Variants in RFX2 observed in about 807,000 individuals in gnomAD.
RFX2 encodes the protein DNA-binding protein RFX2.
Under a neutral mutation model 87.8 loss-of-function variants are expected in RFX2, and 20 were observed. The observed-to-expected ratio is 0.23, with a 90% CI of 0.16 to 0.33. RFX2 has a LOEUF of 0.33. Ranked by LOEUF, RFX2 falls within the 10% of genes least tolerant of loss-of-function variation. The probability of loss-of-function intolerance (pLI) is 1.00; values close to 1 mark genes in which losing one functional copy is unlikely to be tolerated. For synonymous variants in RFX2, 397 were observed against 431.3 expected (o/e 0.92, Z 0.98); for missense variants, 767 against 1,012.3 (o/e 0.76, Z 3.29).
At chr19:6,041,254 G>A (rs1232088008) in intron 4 of RFX2, among the ~76,000 whole-genome samples, 1 of 152,084 alleles carries the variant, frequency 6.6e-6, no homozygotes, top group Non-Finnish European at 1.5e-5. Context: ...ACAGTGGCTG[G>A]GGTTAGAATC....
intron 16 of RFX2, 62 bp downstream of exon 16, chr19:5,996,998 A>G: frequency 3.3e-6 from 5 of 1,538,392 alleles, no homozygotes; most frequent in Non-Finnish European, 4.4e-6. Flanking sequence ...TGCTCAGAGC[A>G]CACCGCCCTC....
At chr19:6,104,094 C>A (rs1011384177) in intron 1 of RFX2, among the ~76,000 whole-genome samples, 4 of 152,018 alleles carry the variant, frequency 2.6e-5, no homozygotes, top group Non-Finnish European at 5.9e-5. Context: ...GGTGGCACCA[C>A]AATTTAACTC....
At chr19:6,059,430 C>T (rs940534973) in intron 1 of RFX2, among the ~76,000 whole-genome samples, 3 of 152,194 alleles carry the variant, frequency 2.0e-5, no homozygotes, top group Non-Finnish European at 2.9e-5. Flanking sequence ...CACTTTCACC[C>T]AGCAAATACT....
At chr19:6,019,064 C>T (rs1404598023) in intron 6 of RFX2, among the ~76,000 whole-genome samples, 3 of 152,042 alleles carry the variant, frequency 2.0e-5, no homozygotes, top group Non-Finnish European at 4.4e-5. Context: ...CCCACCCCCC[C>T]GCCATGAGTG....
At chr19:5,996,433 C>T (rs1046820513) in intron 16 of RFX2, among the ~76,000 whole-genome samples, 2 of 152,222 alleles carry the variant, frequency 1.3e-5, no homozygotes, top group Non-Finnish European at 2.9e-5. Flanking sequence ...TGTCATGTTC[C>T]GTGACAGACG....
chr19:5,996,111 G>A (rs1378054139), intron 16 of RFX2, among the ~76,000 whole-genome samples: 1 of 152,240 alleles, frequency 6.6e-6, no homozygotes, highest in Non-Finnish European at 1.5e-5. Flanking sequence ...GACTCTTAGA[G>A]TGCTGTGGCT....
chr19:6,106,936 T>G (rs1051024377), intron 1 of RFX2, among the ~76,000 whole-genome samples: 5 of 151,308 alleles, frequency 3.3e-5, no homozygotes, highest in Non-Finnish European at 5.9e-5. Context: ...AAATATATAT[T>G]ATAAGATGTG....
In RFX2 at chr19:6,007,708, G is replaced by A. The variant is rs989691340; in HGVS notation, c.1229C>T (p.Pro410Leu). ...WNSKASSSDG[P>L]TSLPASDEDP... ...CAGTCACCTGGCAGGAAGAGAGGTG[G>A]GGCCGTCGCTGGAGGAGGCCTTAGA... is the stretch of plus-strand genomic sequence containing the variant. The change falls in exon 11 of 18, where the codon CCC becomes CTC. Residue 410 changes from proline (P) to leucine (L), a missense_variant. Pro to Leu is a moderately conservative substitution (Grantham distance 98). Coordinates refer to ENST00000303657, the MANE Select transcript of RFX2 (RefSeq NM_000635.4). This position sits in a 1 kb window ranked among gnomAD's most constrained non-coding sequence, Gnocchi z 8.2. The A allele has an allele frequency of 2.1e-5, 32 of 1,553,272 alleles. 1 individual carries two copies. In the Admixed American group the frequency reaches 5.8e-4, roughly 28 times the overall value.
intron 1 of RFX2, among the ~76,000 whole-genome samples, chr19:6,090,399 T>G (rs1568193105): frequency 6.6e-6 from 1 of 151,536 alleles, no homozygotes; most frequent in Non-Finnish European, 1.5e-5. Flanking sequence ...GAATACACAT[T>G]TCTCCAAAGA....
intron 1 of RFX2, among the ~76,000 whole-genome samples, chr19:6,103,043 A>G (rs181593747): frequency 6.6e-6 from 1 of 152,346 alleles, no homozygotes; most frequent in East Asian, 1.9e-4. Flanking sequence ...AAAAAACTGC[A>G]GAGATCTTAG....
At chr19:6,100,613 G>C (rs1263235583) in intron 1 of RFX2, among the ~76,000 whole-genome samples, 1 of 152,114 alleles carries the variant, frequency 6.6e-6, no homozygotes, top group Non-Finnish European at 1.5e-5. Context: ...GGCTCATGCA[G>C]GCCCACGTAA....
rs2288849 is a variant in RFX2 at position 6,004,079 on chromosome 19, G to A, written c.1500+122C>T. 2.1e-4 allele frequency: 159 copies of A among 767,830 alleles called. 2 individuals carry two copies. The East Asian group carries it at 3.8e-3, about 18-fold the overall frequency. 47.6% of individuals were successfully genotyped at this position (767,830 alleles called of 1,614,324 possible). A position where few individuals can be genotyped will look rare whatever the true frequency, so the allele number is the denominator to read the frequency against. On this transcript the variant is annotated intron_variant, in intron 13 of 17. Transcript: ENST00000303657. The surrounding 1 kb of genome is among the most constrained non-coding windows in gnomAD (Gnocchi z 4.8). ...GTGCTCAGGGCTTCCTGAAGGGATC[G>A]GTTACTCTCATGACGCAGGGAAGAA...
At chr19:6,057,907 C>T (rs1009476614) in intron 1 of RFX2, among the ~76,000 whole-genome samples, 10 of 152,120 alleles carry the variant, frequency 6.6e-5, no homozygotes, top group Non-Finnish European at 1.5e-4. Flanking sequence ...GTAAGTGATG[C>T]GTGTTTTAAG....
At chr19:6,006,870 G>C in intron 12 of RFX2, 142 bp downstream of exon 12, 1 of 878,222 alleles carries the variant, frequency 1.1e-6, no homozygotes, top group South Asian at 1.7e-5. Context: ...GGGATCACTG[G>C]CATGAGCCAC....
chr19:6,079,697 C>T (rs1455221434), intron 1 of RFX2, among the ~76,000 whole-genome samples: 5 of 151,928 alleles, frequency 3.3e-5, no homozygotes, highest in East Asian at 3.9e-4. Flanking sequence ...ACCATCCTGG[C>T]CAACATGGTG....
intron 1 of RFX2, among the ~76,000 whole-genome samples, chr19:6,091,871 G>A (rs1019106882): frequency 6.6e-6 from 1 of 152,164 alleles, no homozygotes. Context: ...GCGGGAGGTA[G>A]GCATTTTACA....
intron 12 of RFX2, among the ~76,000 whole-genome samples, chr19:6,005,399 C>T (rs2144681843): frequency 6.6e-6 from 1 of 152,346 alleles, no homozygotes; most frequent in East Asian, 1.9e-4. Flanking sequence ...GACTGCGGGG[C>T]ATGGCCTGTG....
chr19:6,032,600 C>T (rs1377379582), intron 5 of RFX2, among the ~76,000 whole-genome samples: 1 of 152,154 alleles, frequency 6.6e-6, no homozygotes, highest in African/African-American at 2.4e-5. Context: ...GCATTTTAAT[C>T]CCTTTGTCTG....
intron 12 of RFX2, among the ~76,000 whole-genome samples, chr19:6,006,758 A>AT (rs766700053): frequency 0.086 from 11,995 of 138,800 alleles, 1,391 homozygotes; most frequent in African/African-American, 0.27. Flanking sequence ...CCCCAGATAA[A>AT]TTTTTTTTTT....
Sources: gnomAD v4.1 joint callset for allele counts (sites outside exome capture counted in the v4.1 genomes callset) on GRCh38, gnomAD v4.1.1 for gene constraint, Gnocchi (gnomAD v3.1) non-coding constraint, MANE v1.5 for transcripts, NCBI Gene and HGNC (gene_info 2026-07-23, HGNC 2026-07-21) for gene names.